MS4A5: variants seen among roughly 807,000 people sequenced by gnomAD.
MS4A5 encodes the protein membrane-spanning 4-domains subfamily A member 5.
Under a neutral mutation model 18.2 loss-of-function variants are expected in MS4A5, and 15 were observed. That is an observed-to-expected ratio of 0.83 (90% CI 0.55 to 1.27). The LOEUF (loss-of-function observed/expected upper bound fraction) is 1.27, where lower values mean the gene tolerates loss of function less well. Among genes scored for constraint, MS4A5 ranks in the 50% most tolerant of loss-of-function variants. The pLI, the probability that MS4A5 is intolerant of heterozygous loss-of-function variation, is 0.00. For synonymous variants in MS4A5, 89 were observed against 78.7 expected, an observed-to-expected ratio of 1.13 and a Z score of -0.69; for missense variants, 232 against 225.7, an observed-to-expected ratio of 1.03 and a Z score of -0.18.
intron 4 of MS4A5, among the ~76,000 whole-genome samples, chr11:60,437,890 C>T (rs564448659): frequency 6.6e-6 from 1 of 151,524 alleles, no homozygotes; most frequent in East Asian, 1.9e-4. Flanking sequence ...CAAGGATACC[C>T]AGGAATTGAA....
At chr11:60,437,727 C>G (rs1051948310) in intron 4 of MS4A5, among the ~76,000 whole-genome samples, 2 of 151,602 alleles carry the variant, frequency 1.3e-5, no homozygotes, top group Non-Finnish European at 2.9e-5. Flanking sequence ...AGCTAACTAT[C>G]CTGAATATAT....
rs1319305161 is a variant in MS4A5, at chr11:60,433,746, T to G, written c.340-19T>G. On this transcript the variant is annotated intron_variant, in intron 3 of 4. Coordinates refer to ENST00000300190, the MANE Select transcript of MS4A5 (RefSeq NM_023945.3). ...AGGCTGGACCTCAGTCACATTGTTA[T>G]GTTCTTATTCTATTTCAGATAATAT... 3.7e-6 allele frequency: 6 copies of G among 1,612,022 alleles called. No individual in the cohort carries two copies. The highest frequency in any genetic ancestry group is 5.1e-6 in the Non-Finnish European group (6 of 1,178,238).
chr11:60,432,662 G>T lies in MS4A5; in HGVS notation c.339+195G>T, dbSNP rs562932862. Among the ~76,000 whole-genome samples the T allele has an allele frequency of 4.0e-4, 60 of 151,546 alleles. 2 individuals carry two copies. In the South Asian group the frequency reaches 0.012, roughly 31 times the overall value. ...TAGCCAGGTGTGGTGGCACACACCT[G>T]TAGTCCCAGCTACTCAGGAGGCTGA... On this transcript the variant is annotated intron_variant, in intron 3 of 4. Transcript: ENST00000300190.
intron 2 of MS4A5, among the ~76,000 whole-genome samples, chr11:60,431,401 G>A (rs559395541): frequency 6.5e-4 from 99 of 152,232 alleles, no homozygotes; most frequent in Middle Eastern, 3.4e-3. Context: ...TTTGAGCTGC[G>A]GAGAGGTATT....
chr11:60,437,431 T>G (rs927225239), intron 4 of MS4A5, among the ~76,000 whole-genome samples: 41 of 151,282 alleles, frequency 2.7e-4, no homozygotes, highest in Non-Finnish European at 5.2e-4. Context: ...AATATTAACT[T>G]TAAATGTAAA....
chr11:60,430,719 C>A (rs1238763794), intron 1 of MS4A5, 77 bp from the exon 2 acceptor site: 1 of 1,541,934 alleles, frequency 6.5e-7, no homozygotes, highest in East Asian at 2.3e-5. Context: ...ATCCTTTTGA[C>A]CAAAAGAAGA....
chr11:60,444,993 A>T (rs368605124), intron 4 of MS4A5, among the ~76,000 whole-genome samples: 2 of 152,102 alleles, frequency 1.3e-5, no homozygotes, highest in East Asian at 3.8e-4. Context: ...ATGGCTAATT[A>T]TTCAAATAAT....
At chr11:60,441,433 AAAAAG>A (rs1399191523) in intron 4 of MS4A5, among the ~76,000 whole-genome samples, 16 of 133,892 alleles carry the variant, frequency 1.2e-4, no homozygotes, top group African/African-American at 3.2e-4. Context: ...TATAATAAAA[AAAAAG>A]AAAAAGAAAA....
chr11:60,429,834 A>G lies in MS4A5; in HGVS notation c.153+7A>G. The stretch of plus-strand genomic sequence containing the variant: ...AAAAATGAAAATCTTAGGGGTAAGT[A>G]AGACTTGCCCCTATGTATATTTTAC... On this transcript the variant is annotated splice_region_variant and intron_variant, in intron 1 of 4. Transcript: ENST00000300190. 6.2e-7 allele frequency: 1 copy of G among 1,611,666 alleles called. No individual in the cohort carries two copies.
chr11:60,431,026 C>T (rs1288659175), intron 2 of MS4A5, 102 bp downstream of exon 2: 4 of 1,356,188 alleles, frequency 2.9e-6, no homozygotes, highest in Non-Finnish European at 4.0e-6. Flanking sequence ...GACATGCTTT[C>T]AAAAGTGCAA....
intron 4 of MS4A5, among the ~76,000 whole-genome samples, chr11:60,441,524 C>CA (rs965193931): frequency 8.2e-5 from 10 of 122,334 alleles, no homozygotes; most frequent in Middle Eastern, 4.9e-3. Flanking sequence ...AGAAACTCGA[C>CA]AAAAAAAATG....
intron 4 of MS4A5, among the ~76,000 whole-genome samples, chr11:60,441,456 T>TAAAA (rs201729443): frequency 3.8e-5 from 4 of 105,858 alleles, no homozygotes; most frequent in Admixed American, 1.2e-4. Context: ...AAAAGGCCAT[T>TAAAA]AAAAAAAAAA....
chr11:60,430,766 CCTCA>C, intron 1 of MS4A5, 26 bp from the exon 2 acceptor site: 1 of 1,604,702 alleles, frequency 6.2e-7, no homozygotes, highest in Non-Finnish European at 8.5e-7. Flanking sequence ...CTTTGCTTTT[CCTCA>C]CCATGACTTT....
chr11:60,435,146 G>A (rs1397888183), intron 4 of MS4A5, among the ~76,000 whole-genome samples: 2 of 152,152 alleles, frequency 1.3e-5, no homozygotes, highest in African/African-American at 4.8e-5. Flanking sequence ...TTTGGTCTTG[G>A]TATGTGGTGC....
intron 4 of MS4A5, chr11:60,435,633 C>G (rs2086075163): frequency 4.1e-6 from 1 of 245,182 alleles, no homozygotes; most frequent in Admixed American, 5.1e-5. Context: ...CGCAAGGGGT[C>G]AGGGAGTTCC....
intron 4 of MS4A5, among the ~76,000 whole-genome samples, chr11:60,443,488 G>A (rs12575876): frequency 0.036 from 5,443 of 151,860 alleles, 296 homozygotes; most frequent in East Asian, 0.28. Flanking sequence ...GAAACTTTAC[G>A]ACCTCAAAGG....
intron 4 of MS4A5, among the ~76,000 whole-genome samples, chr11:60,438,475 G>A (rs1169201345): frequency 6.6e-6 from 1 of 151,950 alleles, no homozygotes; most frequent in Non-Finnish European, 1.5e-5. Context: ...AAAAATTAAT[G>A]AATCCAGGAG....
intron 4 of MS4A5, among the ~76,000 whole-genome samples, chr11:60,442,484 C>CT (rs1463013552): frequency 6.6e-6 from 1 of 152,048 alleles, no homozygotes; most frequent in Non-Finnish European, 1.5e-5. Context: ...ACACCAAGGC[C>CT]TGTTGGGGGG....
At chr11:60,434,007 T>G in intron 4 of MS4A5, 90 bp downstream of exon 4, 1 of 1,114,930 alleles carries the variant, frequency 9.0e-7, no homozygotes, top group South Asian at 1.6e-5. Context: ...GATCATGTTG[T>G]GGACACATGT....
Sources: allele counts gnomAD v4.1 joint callset (sites outside exome capture counted in the v4.1 genomes callset), GRCh38; gene constraint gnomAD v4.1.1; transcripts MANE v1.5; gene names NCBI Gene and HGNC (gene_info 2026-07-23, HGNC 2026-07-21).